NCAM2: variants seen among roughly 807,000 people sequenced by gnomAD.
NCAM2 encodes N-CAM-2.
NCAM2 carries 30 observed loss-of-function variants against 98.1 expected under a neutral mutation model. The observed-to-expected ratio is 0.31, with a 90% CI of 0.23 to 0.41. The LOEUF is 0.41. Ranked by LOEUF, NCAM2 falls within the 10% of genes least tolerant of loss-of-function variation. The pLI, the probability that NCAM2 is intolerant of heterozygous loss-of-function variation, is 1.00. For synonymous variants in NCAM2, 368 were observed against 342.4 expected (o/e 1.07, Z -0.83); for missense variants, 867 against 1,005.8 (o/e 0.86, Z 1.87).
Position 21,048,633 on chromosome 21 carries a change from G to A in NCAM2, c.55+50015G>A, listed in dbSNP as rs1285927322. ...CTCCCAAAGTGCTGGGATTACAGGCGTGAGCTACCACCTGGCCTGATGTAT... is the reference window on the plus strand; with the variant it reads ...CTCCCAAAGTGCTGGGATTACAGGCATGAGCTACCACCTGGCCTGATGTAT... On this transcript the variant is annotated intron_variant, in intron 1 of 17. Coordinates refer to ENST00000400546, the MANE Select transcript of NCAM2 (RefSeq NM_004540.5). Among the ~76,000 whole-genome samples, 5 of 151,996 alleles carry A rather than the reference G, an allele frequency of 3.3e-5. No homozygotes were observed. The South Asian group carries it at 6.3e-4, about 19-fold the overall frequency.
At chr21:21,458,432 G>T (rs573159207) in intron 12 of NCAM2, among the ~76,000 whole-genome samples, 71 of 152,358 alleles carry the variant, frequency 4.7e-4, no homozygotes, top group Non-Finnish European at 8.7e-4. Context: ...GAGAACTGGT[G>T]TAGGAGTGGG....
intron 1 of NCAM2, among the ~76,000 whole-genome samples, chr21:21,228,278 T>G (rs2070470888): frequency 6.6e-6 from 1 of 151,540 alleles, no homozygotes; most frequent in Non-Finnish European, 1.5e-5. Flanking sequence ...AATACATGAT[T>G]AATGGAAATA....
chr21:21,160,450 A>AT (rs1569091571), intron 1 of NCAM2, among the ~76,000 whole-genome samples: 1 of 152,054 alleles, frequency 6.6e-6, no homozygotes, highest in Non-Finnish European at 1.5e-5. Context: ...GAGAATGGCT[A>AT]TTTTATTAAA....
intron 5 of NCAM2, among the ~76,000 whole-genome samples, chr21:21,323,794 A>G (rs2074438871): frequency 6.6e-6 from 1 of 152,186 alleles, no homozygotes; most frequent in Admixed American, 6.6e-5. Flanking sequence ...TCTCTTCATA[A>G]AATGTTCTAT....
chr21:21,327,469 G>A (rs1431404492), intron 6 of NCAM2, among the ~76,000 whole-genome samples: 1 of 151,830 alleles, frequency 6.6e-6, no homozygotes, highest in African/African-American at 2.4e-5. Flanking sequence ...ATCCTTTTTT[G>A]TTTGTTTTTA....
chr21:21,176,219 C>T, intron 1 of NCAM2, among the ~76,000 whole-genome samples: 1 of 152,128 alleles, frequency 6.6e-6, no homozygotes, highest in Non-Finnish European at 1.5e-5. Flanking sequence ...CTCTGAATCA[C>T]TTGACTGGAA....
chr21:21,452,963 AT>A (rs1303827278), intron 12 of NCAM2, among the ~76,000 whole-genome samples: 420 of 33,154 alleles, frequency 0.013, 4 homozygotes, highest in African/African-American at 0.054. Context: ...TATATTATAT[AT>A]TATATATTAT....
At chr21:21,396,675 C>G (rs576442988) in intron 9 of NCAM2, among the ~76,000 whole-genome samples, 1 of 152,276 alleles carries the variant, frequency 6.6e-6, no homozygotes, top group East Asian at 1.9e-4. Context: ...ACAGGCAGCT[C>G]CAGGTGCCAC....
chr21:21,226,932 T>A (rs1314495315), intron 1 of NCAM2: 1 of 151,984 alleles, frequency 6.6e-6, no homozygotes, highest in Non-Finnish European at 1.5e-5. Flanking sequence ...TTATCGAAGT[T>A]GATGGAAGAA....
intron 12 of NCAM2, among the ~76,000 whole-genome samples, chr21:21,451,622 A>G (rs1020457684): frequency 6.6e-6 from 1 of 152,170 alleles, no homozygotes; most frequent in Non-Finnish European, 1.5e-5. Flanking sequence ...GCAGCATTTA[A>G]CAACTGTGTA....
intron 5 of NCAM2, among the ~76,000 whole-genome samples, chr21:21,296,110 A>G (rs988408979): frequency 3.3e-5 from 5 of 151,850 alleles, no homozygotes; most frequent in Non-Finnish European, 7.4e-5. Context: ...TGCTTGGACT[A>G]CTAAAAGGCC....
intron 5 of NCAM2, among the ~76,000 whole-genome samples, chr21:21,313,140 GT>G (rs1481880205): frequency 2.6e-5 from 4 of 151,834 alleles, no homozygotes; most frequent in Admixed American, 6.6e-5. Context: ...CTTGCTGGAG[GT>G]TTAATCATTG....
chr21:21,280,574 T>C lies in NCAM2; in HGVS notation c.56-4T>C, dbSNP rs1191761609. The C allele has an allele frequency of 2.5e-6, 4 of 1,579,592 alleles. No individual in the cohort carries two copies. Among genetic ancestry groups the C allele is most frequent in the Non-Finnish European group, 3.4e-6 (4 of 1,164,904 alleles). ...CCATTAATTGTTTCCCAATTTTTTT[T>C]CAGCTCTTCTTCAAGTGACAATTTC... On this transcript the variant is annotated splice_polypyrimidine_tract_variant and splice_region_variant and intron_variant, in intron 1 of 17. Coordinates refer to ENST00000400546, the MANE Select transcript of NCAM2 (RefSeq NM_004540.5).
chr21:21,159,584 A>G (rs780844282), intron 1 of NCAM2, among the ~76,000 whole-genome samples: 21 of 152,182 alleles, frequency 1.4e-4, no homozygotes, highest in Non-Finnish European at 2.8e-4. Flanking sequence ...CTAACATGCT[A>G]TACGTGTTTA....
At chr21:21,454,639 G>A (rs1479856573) in intron 12 of NCAM2, among the ~76,000 whole-genome samples, 1 of 151,900 alleles carries the variant, frequency 6.6e-6, no homozygotes, top group East Asian at 1.9e-4. Context: ...GTTGGTTTCA[G>A]TATTAATTAA....
intron 12 of NCAM2, among the ~76,000 whole-genome samples, chr21:21,455,990 A>G (rs1410792324): frequency 6.6e-6 from 1 of 152,106 alleles, no homozygotes; most frequent in Non-Finnish European, 1.5e-5. Flanking sequence ...CTTTCAAAAT[A>G]AGAGAGAAAA....
At chr21:21,362,843 G>A (rs2075683504) in intron 8 of NCAM2, among the ~76,000 whole-genome samples, 1 of 151,986 alleles carries the variant, frequency 6.6e-6, no homozygotes, top group Non-Finnish European at 1.5e-5. Context: ...GTTAATTGTT[G>A]GATTCTTTAG....
intron 5 of NCAM2, among the ~76,000 whole-genome samples, chr21:21,308,757 G>A (rs2073956355): frequency 6.6e-6 from 1 of 152,112 alleles, no homozygotes; most frequent in Admixed American, 6.6e-5. Context: ...CTACTTGAAT[G>A]TTCCAACTGA....
chr21:21,335,430 G>T, intron 6 of NCAM2, 75 bp from the exon 7 acceptor site: 1 of 1,296,852 alleles, frequency 7.7e-7, no homozygotes, highest in Non-Finnish European at 1.0e-6. Flanking sequence ...AATGCCTATA[G>T]ATTAAAAAGT....
Sources: gnomAD v4.1 joint callset for allele counts (sites outside exome capture counted in the v4.1 genomes callset) on GRCh38, gnomAD v4.1.1 for gene constraint, MANE v1.5 for transcripts, NCBI Gene and HGNC (gene_info 2026-07-23, HGNC 2026-07-21) for gene names.